CSMD2: variants seen among roughly 807,000 people sequenced by gnomAD.
The protein encoded by CSMD2 is CUB and sushi domain-containing protein 2.
Under a neutral mutation model 398.5 loss-of-function variants are expected in CSMD2, and 130 were observed. The observed-to-expected ratio is 0.33, with a 90% CI of 0.28 to 0.38. The LOEUF is 0.38. CSMD2 is among the 10% of genes least tolerant of loss of function. The probability of loss-of-function intolerance (pLI) is 1.00; values close to 1 mark genes in which losing one functional copy is unlikely to be tolerated. For synonymous variants in CSMD2, 1,828 were observed against 1,908.5 expected (o/e 0.96, Z 1.10); for missense variants, 3,829 against 4,764.9 (o/e 0.80, Z 5.78).
chr1:34,154,830 C>T (rs1374669747), intron 1 of CSMD2, among the ~76,000 whole-genome samples: 4 of 150,146 alleles, frequency 2.7e-5, no homozygotes, highest in Admixed American at 6.7e-5. Flanking sequence ...CAGGTTCAAG[C>T]GATTCTCCTG....
rs1180064792 is a variant in CSMD2 at position 33,944,866 on chromosome 1, A to T, written c.518-8912T>A. ...TGCCTTTTACCATGTTGTAATCTTG[A>T]TCTCCCAGGATTCAAGACCCTTGTT... On this transcript the variant is annotated intron_variant, in intron 3 of 70. Transcript: ENST00000373381. 3.3e-5 allele frequency among the ~76,000 whole-genome samples: 5 copies of T among 152,126 alleles called. No individual in the cohort carries two copies. In the South Asian group the frequency reaches 8.3e-4, roughly 25 times the overall value.
At chr1:33,795,432 G>T (rs1397474433) in intron 10 of CSMD2, among the ~76,000 whole-genome samples, 1 of 152,132 alleles carries the variant, frequency 6.6e-6, no homozygotes, top group African/African-American at 2.4e-5. Context: ...TCATTTCCTA[G>T]CATGAAACAT....
intron 48 of CSMD2, among the ~76,000 whole-genome samples, chr1:33,580,270 ATTATTTTTTT>A (rs1191388648): frequency 6.6e-6 from 1 of 152,100 alleles, no homozygotes; most frequent in Non-Finnish European, 1.5e-5. Flanking sequence ...TATTCCCAGG[ATTATTTTTTT>A]CAGTCCTTAT....
intron 7 of CSMD2, among the ~76,000 whole-genome samples, chr1:33,820,960 C>T (rs928553070): frequency 6.6e-6 from 1 of 152,074 alleles, no homozygotes; most frequent in African/African-American, 2.4e-5. Context: ...CCACCTCAGC[C>T]CCAGATGGAG....
rs567098377 is a variant in CSMD2 at position 33,601,598 on chromosome 1, C to T, written c.6711-588G>A. On this transcript the variant is annotated intron_variant, in intron 43 of 70. Transcript: ENST00000373381. ...GAATTCCCCTAACCCCGATGATTCT[C>T]AGAATGGCAGTAACCACCAAACAAA... Among the ~76,000 whole-genome samples the T allele has an allele frequency of 2.0e-5, 3 of 152,268 alleles. No homozygotes were observed. In the South Asian group the frequency reaches 6.2e-4, roughly 32 times the overall value.
intron 5 of CSMD2, among the ~76,000 whole-genome samples, chr1:33,889,453 C>T (rs905775773): frequency 6.6e-6 from 1 of 152,168 alleles, no homozygotes; most frequent in Non-Finnish European, 1.5e-5. Flanking sequence ...GAAATTGGCA[C>T]AGTCTTTCTG....
chr1:33,879,737 CTG>C (rs1248861882), intron 5 of CSMD2, among the ~76,000 whole-genome samples: 6 of 152,188 alleles, frequency 3.9e-5, no homozygotes, highest in African/African-American at 1.4e-4. Context: ...CCACTACTAA[CTG>C]TATGAACTTG....
At chr1:33,768,062 C>T (rs1650744539) in intron 13 of CSMD2, among the ~76,000 whole-genome samples, 1 of 152,094 alleles carries the variant, frequency 6.6e-6, no homozygotes, top group Non-Finnish European at 1.5e-5. Context: ...AGAATAAATA[C>T]CCTATAACAC....
intron 1 of CSMD2, among the ~76,000 whole-genome samples, chr1:34,132,489 A>G (rs1264997027): frequency 6.6e-6 from 1 of 152,190 alleles, no homozygotes; most frequent in African/African-American, 2.4e-5. Context: ...TGTGATAGTT[A>G]ACTTTATGTG....
At chr1:33,778,849 C>G (rs74224650) in intron 12 of CSMD2, among the ~76,000 whole-genome samples, 15,530 of 152,100 alleles carry the variant, frequency 0.1, 945 homozygotes, top group South Asian at 0.15. Flanking sequence ...AGGTTTCTTA[C>G]AGGTTGTTCA....
chr1:33,662,400 C>T (rs1162506130), intron 26 of CSMD2, among the ~76,000 whole-genome samples: 2 of 151,684 alleles, frequency 1.3e-5, no homozygotes, highest in African/African-American at 2.4e-5. Context: ...CCAAAGCCCA[C>T]ATTCCTGCAT....
chr1:33,791,860 C>T (rs1431618979), intron 11 of CSMD2, among the ~76,000 whole-genome samples: 1 of 152,170 alleles, frequency 6.6e-6, no homozygotes, highest in African/African-American at 2.4e-5. Flanking sequence ...AGAGCACAGA[C>T]TCAACATAGC....
chr1:33,581,816 G>T lies in CSMD2; in HGVS notation c.7241-917C>A, dbSNP rs116622626. Among the ~76,000 whole-genome samples the T allele has an allele frequency of 1.5e-3, 229 of 152,200 alleles. 1 individual carries two copies. The highest frequency in any genetic ancestry group is 4.1e-3 in the African/African-American group (170 of 41,536). Reference sequence around the variant, plus strand: ...CCCATAACACAGGATTTATCACTCTGGAAAAGGCCCTGAATGATGGCTCTA... The same window carrying T: ...CCCATAACACAGGATTTATCACTCTTGAAAAGGCCCTGAATGATGGCTCTA... On this transcript the variant is annotated intron_variant, in intron 47 of 70. Coordinates refer to ENST00000373381, the MANE Select transcript of CSMD2 (RefSeq NM_001281956.2).
intron 1 of CSMD2, among the ~76,000 whole-genome samples, chr1:34,135,581 G>GCAC (rs1638650759): frequency 8.5e-6 from 1 of 117,512 alleles, no homozygotes; most frequent in Admixed American, 1.3e-4. Context: ...TCACGCCACT[G>GCAC]CACTCCAGCC....
intron 4 of CSMD2, among the ~76,000 whole-genome samples, chr1:33,934,578 T>C (rs1239530970): frequency 6.6e-6 from 1 of 152,204 alleles, no homozygotes; most frequent in African/African-American, 2.4e-5. Context: ...ATGTACATAT[T>C]TGTAATATAT....
At chr1:33,626,953 C>T (rs755890091) in intron 32 of CSMD2, among the ~76,000 whole-genome samples, 5 of 152,114 alleles carry the variant, frequency 3.3e-5, no homozygotes, top group South Asian at 4.1e-4. Flanking sequence ...GTTACCAAGC[C>T]GGCTGACTGG....
At chr1:34,109,399 C>T (rs1660825869) in intron 1 of CSMD2, among the ~76,000 whole-genome samples, 1 of 152,186 alleles carries the variant, frequency 6.6e-6, no homozygotes, top group Admixed American at 6.5e-5. Flanking sequence ...GGCCCTGGCT[C>T]AGCTCAGACC....
chr1:34,054,926 T>G (rs1455261421), intron 2 of CSMD2, among the ~76,000 whole-genome samples: 1 of 152,158 alleles, frequency 6.6e-6, no homozygotes, highest in Non-Finnish European at 1.5e-5. Context: ...CTAAATGCTT[T>G]TATTTTTTCT....
At chr1:33,770,604 T>C (rs1209054579) in intron 13 of CSMD2, among the ~76,000 whole-genome samples, 2 of 152,216 alleles carry the variant, frequency 1.3e-5, no homozygotes, top group South Asian at 4.1e-4. Context: ...TACTCTCCAA[T>C]GTCCAGACAC....
Sources: gnomAD v4.1 joint callset for allele counts (sites outside exome capture counted in the v4.1 genomes callset) on GRCh38, gnomAD v4.1.1 for gene constraint, MANE v1.5 for transcripts, NCBI Gene and HGNC (gene_info 2026-07-23, HGNC 2026-07-21) for gene names.